Variants in ACACA observed in about 807,000 individuals in gnomAD.
ACACA encodes the protein acetyl-CoA carboxylase 1.
ACACA carries 103 observed loss-of-function variants against 296.1 expected under a neutral mutation model. That is an observed-to-expected ratio of 0.35 (90% CI 0.30 to 0.41). ACACA has a LOEUF of 0.41. ACACA is among the 10% of genes least tolerant of loss of function. The probability of loss-of-function intolerance (pLI) is 1.00; values close to 1 mark genes in which losing one functional copy is unlikely to be tolerated. For synonymous variants in ACACA, 953 were observed against 1,038.6 expected (o/e 0.92, Z 1.58); for missense variants, 1,554 against 2,989.7 (o/e 0.52, Z 11.20).
intron 1 of ACACA, chr17:37,377,880 C>T: frequency 1.9e-6 from 3 of 1,613,062 alleles, no homozygotes; most frequent in Non-Finnish European, 1.7e-6. Context: ...CACCCCCAGA[C>T]CTCAGAGATA....
chr17:37,123,235 C>T (rs1367622074), intron 48 of ACACA, among the ~76,000 whole-genome samples: 1 of 152,100 alleles, frequency 6.6e-6, no homozygotes, highest in Admixed American at 6.6e-5. Context: ...GATCAACAAG[C>T]CCTTAATTTT....
intron 3 of ACACA, among the ~76,000 whole-genome samples, chr17:37,318,643 T>C (rs184135932): frequency 1.3e-5 from 2 of 152,354 alleles, no homozygotes; most frequent in African/African-American, 4.8e-5. Context: ...TTCCAAGTTT[T>C]AAGCACTAAC....
At chr17:37,165,172 C>T (rs552411507) in intron 41 of ACACA, among the ~76,000 whole-genome samples, 37 of 145,028 alleles carry the variant, frequency 2.6e-4, no homozygotes, top group Admixed American at 2.5e-3. Flanking sequence ...GAGTGTTATC[C>T]CAGTCTCAGT....
intron 19 of ACACA, 62 bp from the exon 20 acceptor site, chr17:37,245,276 G>A: frequency 2.5e-6 from 4 of 1,583,064 alleles, no homozygotes; most frequent in East Asian, 2.2e-5. Context: ...GTGCTTAAAA[G>A]AACTAAAATT....
chr17:37,334,220 A>G (rs1161518208), intron 2 of ACACA, among the ~76,000 whole-genome samples: 1 of 152,138 alleles, frequency 6.6e-6, no homozygotes, highest in South Asian at 2.1e-4. Context: ...AGCAGGACTT[A>G]GTCCATACAA....
At chr17:37,328,116 A>G (rs2047702000) in intron 3 of ACACA, among the ~76,000 whole-genome samples, 1 of 152,230 alleles carries the variant, frequency 6.6e-6, no homozygotes, top group South Asian at 2.1e-4. Flanking sequence ...CTTTGTCTGA[A>G]CTAGTTATAT....
intron 9 of ACACA, among the ~76,000 whole-genome samples, chr17:37,273,516 G>A (rs1408264188): frequency 6.6e-6 from 1 of 152,154 alleles, no homozygotes; most frequent in Non-Finnish European, 1.5e-5. Flanking sequence ...TTGGAAGGAG[G>A]GACTGAATAT....
intron 26 of ACACA, chr17:37,225,599 A>AGT: frequency 5.3e-6 from 1 of 188,226 alleles, no homozygotes; most frequent in South Asian, 1.1e-4. Flanking sequence ...AAGTAACACC[A>AGT]GTGTGTGTGA....
intron 25 of ACACA, among the ~76,000 whole-genome samples, chr17:37,228,030 T>A (rs902572107): frequency 6.6e-6 from 1 of 152,094 alleles, no homozygotes; most frequent in Non-Finnish European, 1.5e-5. Flanking sequence ...GAATTTCTAT[T>A]TCATACTTAA....
chr17:37,319,220 T>C lies in ACACA; in HGVS notation c.338+10953A>G, dbSNP rs2047232743. 2.0e-5 allele frequency among the ~76,000 whole-genome samples: 3 copies of C among 152,174 alleles called. No individual in the cohort carries two copies. The South Asian group carries it at 6.2e-4, about 32-fold the overall frequency. On this transcript the variant is annotated intron_variant, in intron 3 of 55. Coordinates refer to ENST00000616317, the MANE Select transcript of ACACA (RefSeq NM_198834.3). ...CATAATACACAATTTGTGGATTGGATACTTGCATGAAGGAACCAGAATTTT... is the reference window on the plus strand; with the variant it reads ...CATAATACACAATTTGTGGATTGGACACTTGCATGAAGGAACCAGAATTTT...
chr17:37,226,203 T>A (rs2079537300), intron 26 of ACACA, 136 bp downstream of exon 26: 1 of 798,026 alleles, frequency 1.3e-6, no homozygotes, highest in African/African-American at 1.7e-5. Flanking sequence ...AAAACATTTG[T>A]TCTGAGGAAA....
At chr17:37,175,320 T>C (rs1288608418) in intron 41 of ACACA, among the ~76,000 whole-genome samples, 1 of 152,258 alleles carries the variant, frequency 6.6e-6, no homozygotes, top group African/African-American at 2.4e-5. Context: ...GATCTTAGCC[T>C]GAGCTTTTTA....
rs1247989716 is a variant in ACACA at position 37,085,291 on chromosome 17, C to A, written c.*2025G>T. 8.4e-6 allele frequency: 2 copies of A among 236,890 alleles called. No homozygotes were observed. Among genetic ancestry groups the A allele is most frequent in the African/African-American group, 4.5e-5 (2 of 44,452 alleles). The allele number at this position is 236,890 out of a possible 1,614,324, so 14.7% of individuals were successfully genotyped here. Reference sequence around the variant, plus strand: ...CCAGGGTAAGACCTACAGTAAGGAGCTCTGGGGATGGGGGAGGAGGCATTA... The same window carrying A: ...CCAGGGTAAGACCTACAGTAAGGAGATCTGGGGATGGGGGAGGAGGCATTA... On this transcript the variant is annotated 3_prime_UTR_variant, in exon 56 of 56. Transcript: ENST00000616317.
intron 22 of ACACA, among the ~76,000 whole-genome samples, chr17:37,242,461 C>T (rs118041256): frequency 0.025 from 3,865 of 152,280 alleles, 88 homozygotes; most frequent in African/African-American, 0.056. Flanking sequence ...TGTGTGGTGG[C>T]TCACACCTGT....
intron 1 of ACACA, among the ~76,000 whole-genome samples, chr17:37,347,584 A>G (rs2048685451): frequency 2.0e-5 from 3 of 152,088 alleles, no homozygotes; most frequent in Admixed American, 2.0e-4. Flanking sequence ...GTGAGTCACA[A>G]CAGCTGGTCT....
intron 25 of ACACA, among the ~76,000 whole-genome samples, chr17:37,230,625 T>C (rs2079813784): frequency 6.6e-6 from 1 of 152,102 alleles, no homozygotes; most frequent in East Asian, 1.9e-4. Flanking sequence ...AGCATTCAGG[T>C]TCTGCAAGAA....
chr17:37,247,015 C>T (rs757341929), intron 18 of ACACA, 39 bp from the exon 19 acceptor site: 56 of 1,610,650 alleles, frequency 3.5e-5, no homozygotes, highest in Non-Finnish European at 4.4e-5. Context: ...AAGAAAGCAC[C>T]TCAGGATGTA....
chr17:37,381,822 T>G (rs1314637159), intron 1 of ACACA, among the ~76,000 whole-genome samples: 1 of 151,570 alleles, frequency 6.6e-6, no homozygotes, highest in Non-Finnish European at 1.5e-5. Flanking sequence ...AGAGATGGGG[T>G]TTCACCGTGT....
At chr17:37,339,874 A>C (rs2048307346) in intron 1 of ACACA, 24 bp from the exon 2 acceptor site, 1 of 1,240,240 alleles carries the variant, frequency 8.1e-7, no homozygotes, top group Non-Finnish European at 1.2e-6. Flanking sequence ...GAAAGATTTT[A>C]AGGTTTTTTT....
Sources: allele counts gnomAD v4.1 joint callset (sites outside exome capture counted in the v4.1 genomes callset), GRCh38; gene constraint gnomAD v4.1.1; transcripts MANE v1.5; gene names NCBI Gene and HGNC (gene_info 2026-07-23, HGNC 2026-07-21).